The following TBC1D1 variants were observed in gnomAD, a reference collection of about 807,000 sequenced individuals.
TBC1D1 encodes TBC1 domain family member 1.
TBC1D1 carries 89 observed loss-of-function variants against 125.6 expected under a neutral mutation model. That is an observed-to-expected ratio of 0.71 (90% CI 0.60 to 0.85). The LOEUF (loss-of-function observed/expected upper bound fraction) is 0.85, where lower values mean the gene tolerates loss of function less well. TBC1D1 is among the 40% of genes least tolerant of loss of function. TBC1D1 has a pLI of 0.00. For missense variants in TBC1D1, 1,377 were observed against 1,469.2 expected (o/e 0.94, Z 1.03); for synonymous variants, 565 against 564.1 (o/e 1.00, Z -0.02).
At chr4:37,954,681 G>A (rs1415679442) in intron 2 of TBC1D1, among the ~76,000 whole-genome samples, 2 of 152,116 alleles carry the variant, frequency 1.3e-5, no homozygotes, top group African/African-American at 2.4e-5. Flanking sequence ...TAGTGGCTGC[G>A]ATGGAGGAAG....
chr4:37,909,576 A>C (rs1026855746), intron 2 of TBC1D1, among the ~76,000 whole-genome samples: 1 of 152,136 alleles, frequency 6.6e-6, no homozygotes, highest in Non-Finnish European at 1.5e-5. Flanking sequence ...TACAACACAG[A>C]GCTAGAGCAT....
At chr4:38,027,329 T>A (rs1340646035) in intron 6 of TBC1D1, among the ~76,000 whole-genome samples, 1 of 152,238 alleles carries the variant, frequency 6.6e-6, no homozygotes, top group Non-Finnish European at 1.5e-5. Context: ...CTATTATCGA[T>A]GAAAATTTCC....
At chr4:37,993,783 T>C (rs1370111752) in intron 2 of TBC1D1, among the ~76,000 whole-genome samples, 3 of 152,230 alleles carry the variant, frequency 2.0e-5, no homozygotes, top group African/African-American at 7.2e-5. Context: ...GGTTTCACCA[T>C]GTTGGCCAGG....
At chr4:38,033,313 C>T (rs1746542333) in intron 7 of TBC1D1, among the ~76,000 whole-genome samples, 1 of 151,972 alleles carries the variant, frequency 6.6e-6, no homozygotes, top group Non-Finnish European at 1.5e-5. Context: ...AGTGGGCCAA[C>T]CATCAGGCGC....
At chr4:37,968,476 C>T (rs539164940) in intron 2 of TBC1D1, among the ~76,000 whole-genome samples, 2 of 152,268 alleles carry the variant, frequency 1.3e-5, no homozygotes, top group African/African-American at 2.4e-5. Flanking sequence ...TACAATGTAA[C>T]GCAGAAAATC....
At chr4:38,086,487 T>C (rs1196595660) in intron 12 of TBC1D1, among the ~76,000 whole-genome samples, 1 of 152,250 alleles carries the variant, frequency 6.6e-6, no homozygotes, top group Non-Finnish European at 1.5e-5. Flanking sequence ...GTTTATTTGC[T>C]GACCTTTACA....
At chr4:37,985,754 G>T (rs1560572680) in intron 2 of TBC1D1, among the ~76,000 whole-genome samples, 3 of 152,176 alleles carry the variant, frequency 2.0e-5, no homozygotes, top group Non-Finnish European at 4.4e-5. Flanking sequence ...GTAGGACATG[G>T]GCCCAGCCCT....
chr4:37,991,756 C>T (rs1736619056), intron 2 of TBC1D1, among the ~76,000 whole-genome samples: 1 of 152,056 alleles, frequency 6.6e-6, no homozygotes, highest in South Asian at 2.1e-4. Context: ...AAAACCAGTC[C>T]TTACTGGGGA....
At chr4:38,068,849 C>G (rs1467841999) in intron 12 of TBC1D1, among the ~76,000 whole-genome samples, 1 of 152,176 alleles carries the variant, frequency 6.6e-6, no homozygotes, top group African/African-American at 2.4e-5. Context: ...ACATGCTGCT[C>G]AAGGTGGTGA....
chr4:38,088,590 T>A (rs1020498972), intron 12 of TBC1D1, among the ~76,000 whole-genome samples: 4 of 152,152 alleles, frequency 2.6e-5, no homozygotes, highest in Non-Finnish European at 4.4e-5. Context: ...TAGCTGAAAT[T>A]TTGATTTCTT....
At chr4:38,066,265 CTTTTT>C (rs34977188) in intron 12 of TBC1D1, among the ~76,000 whole-genome samples, 1 of 137,636 alleles carries the variant, frequency 7.3e-6, no homozygotes, top group Admixed American at 7.2e-5. Context: ...TTATTAGCAA[CTTTTT>C]TTTTTTTTTT....
chr4:38,071,372 G>T lies in TBC1D1; in HGVS notation c.2050+17034G>T, dbSNP rs1046150559. 3.3e-5 allele frequency among the ~76,000 whole-genome samples: 5 copies of T among 152,108 alleles called. 1 individual carries two copies. The highest frequency in any genetic ancestry group is 3.3e-4 in the Admixed American group (5 of 15,270). On this transcript the variant is annotated intron_variant, in intron 12 of 19. Coordinates refer to ENST00000261439, the MANE Select transcript of TBC1D1 (RefSeq NM_015173.4). ...TCAGTTTGTTATATTTATAGTTTCA[G>T]GAATAGTTTGGGAATGGATTTAATA...
intron 2 of TBC1D1, among the ~76,000 whole-genome samples, chr4:37,954,946 G>T (rs1728646200): frequency 1.4e-5 from 2 of 144,038 alleles, no homozygotes; most frequent in South Asian, 2.2e-4. Flanking sequence ...GAGTGCAGTG[G>T]CGTGATCCGA....
At chr4:37,913,639 A>ATATATG (rs763801946) in intron 2 of TBC1D1, among the ~76,000 whole-genome samples, 6 of 150,442 alleles carry the variant, frequency 4.0e-5, no homozygotes, top group Non-Finnish European at 7.4e-5. Context: ...ATATATATAT[A>ATATATG]TGTGTGTGTG....
At chr4:38,057,132 G>A (rs973514400) in intron 12 of TBC1D1, among the ~76,000 whole-genome samples, 2 of 152,068 alleles carry the variant, frequency 1.3e-5, no homozygotes, top group African/African-American at 4.8e-5. Flanking sequence ...ATCTCCTGCA[G>A]GAAGATGTCT....
At chr4:38,062,014 G>A (rs1030787168) in intron 12 of TBC1D1, among the ~76,000 whole-genome samples, 10 of 152,136 alleles carry the variant, frequency 6.6e-5, no homozygotes, top group African/African-American at 2.4e-4. Flanking sequence ...AAGCACCTGG[G>A]GAGATTTTTT....
At chr4:38,089,850 G>A in intron 12 of TBC1D1, 82 bp from the exon 15 acceptor site, 1 of 1,349,264 alleles carries the variant, frequency 7.4e-7, no homozygotes, top group East Asian at 2.4e-5. Context: ...TGAATGAACA[G>A]AATTTGCTGA....
intron 2 of TBC1D1, among the ~76,000 whole-genome samples, chr4:37,925,237 A>G (rs899795128): frequency 1.3e-5 from 2 of 152,202 alleles, no homozygotes; most frequent in African/African-American, 4.8e-5. Context: ...TGGATGGTGC[A>G]GGGCCAGGTC....
chr4:38,080,336 T>C (rs1431049868), intron 12 of TBC1D1, among the ~76,000 whole-genome samples: 1 of 152,204 alleles, frequency 6.6e-6, no homozygotes, highest in Non-Finnish European at 1.5e-5. Context: ...CAGGGTTAAG[T>C]GTGGGCAGCA....
Sources: gnomAD v4.1 joint callset for allele counts (sites outside exome capture counted in the v4.1 genomes callset) on GRCh38, gnomAD v4.1.1 for gene constraint, MANE v1.5 for transcripts, NCBI Gene and HGNC (gene_info 2026-07-23, HGNC 2026-07-21) for gene names.